The following JAK1 variants were observed in gnomAD, a reference collection of about 807,000 sequenced individuals.
JAK1 encodes the protein Janus kinase 1, also known as tyrosine-protein kinase JAK1.
In JAK1, 16 loss-of-function variants were observed where a neutral mutation model predicts 136.6. That is an observed-to-expected ratio of 0.12 (90% CI 0.08 to 0.18). The LOEUF is 0.18. JAK1 is among the 10% of genes least tolerant of loss of function. The probability of loss-of-function intolerance (pLI) is 1.00; values close to 1 mark genes in which losing one functional copy is unlikely to be tolerated. For missense variants in JAK1, 859 were observed against 1,450.1 expected (o/e 0.59, Z 6.62); for synonymous variants, 492 against 519.5 (o/e 0.95, Z 0.72).
chr1:64,961,274 G>A (rs1329663523), intron 1 of JAK1, among the ~76,000 whole-genome samples: 8 of 152,156 alleles, frequency 5.3e-5, no homozygotes, highest in Non-Finnish European at 7.3e-5. Flanking sequence ...AGCCTTTCTT[G>A]TTTCCTAGTA....
At chr1:64,985,636 AG>A in intron 2 of JAK1, 1 of 783,560 alleles carries the variant, frequency 1.3e-6, no homozygotes, top group Non-Finnish European at 2.2e-6. Flanking sequence ...AGAGTGCCAA[AG>A]ACACCTTGCA....
At chr1:64,884,672 T>C (rs973238136) in intron 2 of JAK1, among the ~76,000 whole-genome samples, 12 of 152,196 alleles carry the variant, frequency 7.9e-5, no homozygotes, top group African/African-American at 2.4e-4. Flanking sequence ...GATTCCTCTA[T>C]AGGAATATCT....
intron 2 of JAK1, chr1:64,989,633 C>T (rs1646636650): frequency 6.6e-6 from 1 of 152,172 alleles, no homozygotes; most frequent in Admixed American, 6.5e-5. Context: ...AAGCAGCAGG[C>T]ATTGCTTGAA....
intron 3 of JAK1, among the ~76,000 whole-genome samples, chr1:64,880,912 A>G (rs1318390478): frequency 6.6e-6 from 1 of 152,000 alleles, no homozygotes; most frequent in Non-Finnish European, 1.5e-5. Context: ...ATGCCACTGC[A>G]CTCCTAGGTG....
At chr1:65,059,709 A>G (rs1569971392) in intron 1 of JAK1, among the ~76,000 whole-genome samples, 1 of 152,222 alleles carries the variant, frequency 6.6e-6, no homozygotes, top group Non-Finnish European at 1.5e-5. Flanking sequence ...TATTAAAACC[A>G]TGATTCACTT....
At chr1:65,037,550 G>A (rs1273176537) in intron 2 of JAK1, among the ~76,000 whole-genome samples, 1 of 152,206 alleles carries the variant, frequency 6.6e-6, no homozygotes, top group African/African-American at 2.4e-5. Context: ...AAGTCAATAA[G>A]TATAGATTTT....
rs1189953331 is a variant in JAK1 at position 64,924,357 on chromosome 1, G to A, written c.-77-38016C>T. On this transcript the variant is annotated intron_variant, in intron 1 of 24. Coordinates refer to ENST00000342505, the MANE Select transcript of JAK1 (RefSeq NM_002227.4). ...GAACAGGCTTTTTCCCTGCAAGAAT[G>A]TCTGGGGAGACATTTGAAAGTCATG... Among the ~76,000 whole-genome samples the A allele has an allele frequency of 2.0e-5, 3 of 152,184 alleles. No homozygotes were observed. The East Asian group carries it at 5.8e-4, about 29-fold the overall frequency.
At chr1:64,955,492 A>G (rs965415420) in intron 1 of JAK1, among the ~76,000 whole-genome samples, 3 of 152,262 alleles carry the variant, frequency 2.0e-5, no homozygotes, top group African/African-American at 7.2e-5. Flanking sequence ...TGAAAGCAAA[A>G]TAATGAATAA....
intron 1 of JAK1, among the ~76,000 whole-genome samples, chr1:64,964,646 G>A (rs1190894782): frequency 6.6e-6 from 1 of 152,154 alleles, no homozygotes; most frequent in Admixed American, 6.5e-5. Flanking sequence ...GTATCACACT[G>A]CAATCCTAGC....
rs1314077457 is a variant in JAK1 at position 64,839,107 on chromosome 1, C to T, written c.2842+496G>A. On this transcript the variant is annotated intron_variant, in intron 20 of 24. Coordinates refer to ENST00000342505, the MANE Select transcript of JAK1 (RefSeq NM_002227.4). Reference sequence around the variant, plus strand: ...CTTGCAGTGAGCCGAGATTGCGCCACTGCAGTCCAGCCTGGGCCACAGAGC... The same window carrying T: ...CTTGCAGTGAGCCGAGATTGCGCCATTGCAGTCCAGCCTGGGCCACAGAGC... 2.3e-5 allele frequency among the ~76,000 whole-genome samples: 3 copies of T among 132,172 alleles called. No homozygotes were observed. In the South Asian group the frequency reaches 7.1e-4, roughly 31 times the overall value. The allele number at this position is 132,172 out of a possible 152,430, so 86.7% of individuals were successfully genotyped here.
chr1:64,862,604 G>A (rs1479380603), intron 8 of JAK1, among the ~76,000 whole-genome samples: 1 of 152,182 alleles, frequency 6.6e-6, no homozygotes, highest in Non-Finnish European at 1.5e-5. Context: ...TTAGATGATG[G>A]GTGCACCAAC....
At chr1:64,900,358 T>C (rs530219709) in intron 1 of JAK1, among the ~76,000 whole-genome samples, 81 of 152,340 alleles carry the variant, frequency 5.3e-4, no homozygotes, top group Middle Eastern at 3.4e-3. Flanking sequence ...ATGAGCTCCA[T>C]TCTAGGTGAA....
chr1:65,008,200 C>T (rs575172040), intron 2 of JAK1, among the ~76,000 whole-genome samples: 5 of 152,024 alleles, frequency 3.3e-5, no homozygotes, highest in Non-Finnish European at 7.4e-5. Context: ...TCACCCAGTA[C>T]GGAAGTGTAG....
chr1:64,961,166 C>CAA (rs899324424), intron 1 of JAK1, among the ~76,000 whole-genome samples: 1 of 151,606 alleles, frequency 6.6e-6, no homozygotes, highest in South Asian at 2.1e-4. Context: ...GATAAACTGT[C>CAA]AAAAAAAAGT....
At chr1:64,853,567 G>A (rs778535410) in intron 11 of JAK1, among the ~76,000 whole-genome samples, 2 of 144,406 alleles carry the variant, frequency 1.4e-5, no homozygotes. Flanking sequence ...GATAGCAGCC[G>A]TTCTTATTAA....
chr1:64,899,908 A>C (rs1271650768), intron 1 of JAK1, among the ~76,000 whole-genome samples: 2 of 152,246 alleles, frequency 1.3e-5, no homozygotes, highest in African/African-American at 4.8e-5. Context: ...GCATAGACGC[A>C]CACATGTAAT....
At chr1:64,945,020 G>A (rs976781314) in intron 1 of JAK1, among the ~76,000 whole-genome samples, 1 of 151,602 alleles carries the variant, frequency 6.6e-6, no homozygotes, top group Non-Finnish European at 1.5e-5. Context: ...CTCAGGTCCT[G>A]AGACGGGAAC....
chr1:64,930,847 A>G (rs976434067), intron 1 of JAK1, among the ~76,000 whole-genome samples: 1 of 152,232 alleles, frequency 6.6e-6, no homozygotes, highest in Non-Finnish European at 1.5e-5. Flanking sequence ...TGTCTTTTGC[A>G]GGGACATGGA....
At chr1:64,875,473 C>T (rs910103897) in intron 4 of JAK1, among the ~76,000 whole-genome samples, 2 of 152,208 alleles carry the variant, frequency 1.3e-5, no homozygotes, top group Non-Finnish European at 2.9e-5. Context: ...CCACTGAATC[C>T]CAGTGCCTGG....
Sources: allele counts gnomAD v4.1 joint callset (sites outside exome capture counted in the v4.1 genomes callset), GRCh38; gene constraint gnomAD v4.1.1; transcripts MANE v1.5; gene names NCBI Gene and HGNC (gene_info 2026-07-23, HGNC 2026-07-21).